PCDHA12: variants seen among roughly 807,000 people sequenced by gnomAD.
PCDHA12 encodes protocadherin alpha-12.
A neutral mutation model predicts 60.0 loss-of-function variants in PCDHA12; 44 were observed. The observed-to-expected ratio is 0.73, with a 90% CI of 0.58 to 0.94. The LOEUF is 0.94. Among genes scored for constraint, PCDHA12 ranks in the 40% least tolerant of loss-of-function variants. The pLI is 0.00. For synonymous variants in PCDHA12, 569 were observed against 553.0 expected (o/e 1.03, Z -0.40); for missense variants, 1,276 against 1,239.7 (o/e 1.03, Z -0.44).
At chr5:140,927,189 G>T in intron 1 of PCDHA12, 1 of 1,614,150 alleles carries the variant, frequency 6.2e-7, no homozygotes. Flanking sequence ...CCTACGACCT[G>T]GTGCTCGAGG....
chr5:140,928,036 G>T, intron 1 of PCDHA12: 1 of 1,614,158 alleles, frequency 6.2e-7, no homozygotes, highest in Non-Finnish European at 8.5e-7. Context: ...CATGTCTAGT[G>T]CAGGCCCTTT....
At chr5:140,994,248 G>A (rs188394827) in intron 3 of PCDHA12, among the ~76,000 whole-genome samples, 1 of 152,238 alleles carries the variant, frequency 6.6e-6, no homozygotes, top group East Asian at 1.9e-4. Flanking sequence ...TCAAACCCTA[G>A]GTAAATAAGG....
At chr5:140,911,659 T>G (rs2075588861) in intron 1 of PCDHA12, among the ~76,000 whole-genome samples, 1 of 152,142 alleles carries the variant, frequency 6.6e-6, no homozygotes, top group African/African-American at 2.4e-5. Flanking sequence ...GTTACTAAAC[T>G]CCTTGCCTCT....
chr5:140,925,878 ACCT>A (rs1554202987), intron 1 of PCDHA12, among the ~76,000 whole-genome samples: 1 of 151,658 alleles, frequency 6.6e-6, no homozygotes. Flanking sequence ...CTGGTTTATA[ACCT>A]CCTCTTTCAC....
intron 1 of PCDHA12, among the ~76,000 whole-genome samples, chr5:140,953,085 A>G (rs1197965470): frequency 2.0e-5 from 3 of 152,246 alleles, no homozygotes; most frequent in African/African-American, 4.8e-5. Flanking sequence ...ATTGGGGATT[A>G]CAATTTGACA....
intron 1 of PCDHA12, among the ~76,000 whole-genome samples, chr5:140,922,507 C>G (rs2080870221): frequency 1.3e-5 from 2 of 152,154 alleles, no homozygotes; most frequent in Non-Finnish European, 2.9e-5. Flanking sequence ...AGCAGATGCA[C>G]CATTATTTCA....
chr5:140,979,094 T>G, intron 2 of PCDHA12, 87 bp downstream of exon 2: 3 of 1,551,990 alleles, frequency 1.9e-6, no homozygotes, highest in Non-Finnish European at 2.6e-6. Context: ...CAGAAGCAGC[T>G]GTCAAAACTA....
chr5:140,922,989 G>A (rs2081104632), intron 1 of PCDHA12, among the ~76,000 whole-genome samples: 1 of 152,214 alleles, frequency 6.6e-6, no homozygotes, highest in Non-Finnish European at 1.5e-5. Context: ...CAATAGGCAA[G>A]CCATGAGAAT....
At chr5:140,966,477 T>C in intron 1 of PCDHA12, 1 of 432,754 alleles carries the variant, frequency 2.3e-6, no homozygotes, top group Non-Finnish European at 4.0e-6. Context: ...TTCTGTTTCC[T>C]TTTCCCTCCC....
chr5:141,011,435 T>C lies in PCDHA12; in HGVS notation c.*1498T>C, dbSNP rs781837801. ...TGTGAATGTTAATGCAACTATTACC[T>C]AGAGTGAACTTTAAGCTTTATTGTT... On this transcript the variant is annotated 3_prime_UTR_variant, in exon 4 of 4. Coordinates refer to ENST00000398631, the MANE Select transcript of PCDHA12 (RefSeq NM_018903.4). 3 of 153,818 alleles carry C rather than the reference T, an allele frequency of 2.0e-5. No individual in the cohort carries two copies. The highest frequency in any genetic ancestry group is 4.4e-5 in the Non-Finnish European group (3 of 68,050). The allele number at this position is 153,818 out of a possible 1,614,324, so 9.5% of individuals were successfully genotyped here.
At position 140,876,486 on chromosome 5, in the gene PCDHA12, G is replaced by A; in HGVS notation, c.1014G>A (p.Val338=). The change falls in exon 1 of 4, where the codon GTG becomes GTA. Residue 338 remains valine, a synonymous_variant. Transcript: ENST00000398631. ...PSMAGHSMVL[V]EVLDVNDNVP... ...TGGCAGGTCACAGCATGGTCCTGGTGGAAGTTCTGGACGTGAATGACAATG... is the reference window on the plus strand; with the variant it reads ...TGGCAGGTCACAGCATGGTCCTGGTAGAAGTTCTGGACGTGAATGACAATG... 6.2e-7 allele frequency: 1 copy of A among 1,614,014 alleles called. No individual in the cohort carries two copies. Among genetic ancestry groups the A allele is most frequent in the Non-Finnish European group, 8.5e-7 (1 of 1,179,892 alleles).
intron 1 of PCDHA12, chr5:140,883,960 G>T (rs2059914384): frequency 3.1e-6 from 5 of 1,613,090 alleles, no homozygotes; most frequent in Non-Finnish European, 4.2e-6. Flanking sequence ...ACGCTCCGGC[G>T]CTGCTGACGC....
chr5:140,898,764 T>A (rs2066960471), intron 1 of PCDHA12, among the ~76,000 whole-genome samples: 1 of 152,192 alleles, frequency 6.6e-6, no homozygotes, highest in Non-Finnish European at 1.5e-5. Context: ...GCATTGAATC[T>A]GTAAATTACC....
intron 1 of PCDHA12, among the ~76,000 whole-genome samples, chr5:140,912,641 G>C (rs2076009138): frequency 6.6e-6 from 1 of 152,128 alleles, no homozygotes; most frequent in African/African-American, 2.4e-5. Flanking sequence ...TCAGTACTAT[G>C]TTGAATAGAA....
chr5:140,886,097 A>G (rs1341108712), intron 1 of PCDHA12, among the ~76,000 whole-genome samples: 1 of 152,214 alleles, frequency 6.6e-6, no homozygotes, highest in Non-Finnish European at 1.5e-5. Context: ...ATTGACATTG[A>G]TACAGTAAAG....
intron 3 of PCDHA12, among the ~76,000 whole-genome samples, chr5:140,991,888 A>T (rs1374098533): frequency 6.6e-6 from 1 of 152,178 alleles, no homozygotes; most frequent in African/African-American, 2.4e-5. Context: ...TGCCATAACA[A>T]ATTAACACAA....
chr5:140,965,527 A>G (rs2095909626), intron 1 of PCDHA12, among the ~76,000 whole-genome samples: 1 of 151,946 alleles, frequency 6.6e-6, no homozygotes, highest in Non-Finnish European at 1.5e-5. Flanking sequence ...CAAAGCATTA[A>G]TGGAATCCAA....
chr5:140,886,786 A>C (rs2061126610), intron 1 of PCDHA12, among the ~76,000 whole-genome samples: 1 of 150,390 alleles, frequency 6.6e-6, no homozygotes, highest in East Asian at 2.0e-4. Context: ...AGATCATGCT[A>C]CTGTACTCCA....
chr5:140,970,792 C>A (rs1554232742), intron 1 of PCDHA12, among the ~76,000 whole-genome samples: 2 of 152,036 alleles, frequency 1.3e-5, no homozygotes, highest in African/African-American at 4.8e-5. Flanking sequence ...TATGTAATAT[C>A]CATATTGTTA....
Sources: gnomAD v4.1 joint callset for allele counts (sites outside exome capture counted in the v4.1 genomes callset) on GRCh38, gnomAD v4.1.1 for gene constraint, MANE v1.5 for transcripts, NCBI Gene and HGNC (gene_info 2026-07-23, HGNC 2026-07-21) for gene names.